Variants in CEP128 observed in about 807,000 individuals in gnomAD.
The protein encoded by CEP128 is centrosomal protein 128kDa.
A neutral mutation model predicts 156.7 loss-of-function variants in CEP128; 132 were observed. The ratio of observed to expected loss-of-function variants is 0.84; its 90% CI spans 0.73 to 0.97. The LOEUF (loss-of-function observed/expected upper bound fraction) is 0.97, where lower values mean the gene tolerates loss of function less well. Among genes scored for constraint, CEP128 ranks in the 50% least tolerant of loss-of-function variants. The pLI is 0.00. For missense variants in CEP128, 1,252 were observed against 1,281.9 expected (o/e 0.98, Z 0.36); for synonymous variants, 469 against 448.9 (o/e 1.04, Z -0.57).
rs1566663755 is a variant in CEP128, at chr14:80,840,759, T to A, written c.772A>T (p.Lys258Ter). The change falls in exon 10 of 25, where the codon AAA becomes TAA. Residue 258 changes from lysine to a stop codon, truncating the protein, a stop_gained. Transcript: ENST00000555265. LOFTEE classifies it high-confidence loss of function. Reference protein sequence around the residue: ...MSLQLQEALKKQEAKADEHEG... With the variant: ...MSLQLQEALK ...TGCTCATCTGCTTTAGCTTCTTGTT[T>A]CTTTAGTGCCTGGAATGAAAGAGGT... is the stretch of plus-strand genomic sequence containing the variant. The A allele has an allele frequency of 6.2e-7, 1 of 1,607,672 alleles. No individual in the cohort carries two copies.
chr14:80,552,309 CAA>C (rs10717714), intron 21 of CEP128, among the ~76,000 whole-genome samples: 8 of 137,422 alleles, frequency 5.8e-5, no homozygotes, highest in African/African-American at 7.9e-5. Context: ...AACTCCATCT[CAA>C]AAAAAAAAAA....
At chr14:80,591,425 A>C (rs1000819710) in intron 19 of CEP128, among the ~76,000 whole-genome samples, 9 of 152,308 alleles carry the variant, frequency 5.9e-5, no homozygotes, top group East Asian at 5.8e-4. Flanking sequence ...GCATTACATA[A>C]TGGTAAGGGA....
intron 9 of CEP128, among the ~76,000 whole-genome samples, chr14:80,855,565 T>A (rs1453978418): frequency 1.3e-5 from 2 of 151,444 alleles, no homozygotes; most frequent in African/African-American, 4.9e-5. Flanking sequence ...ACGAGATGAC[T>A]ACAAAAAAAA....
intron 18 of CEP128, among the ~76,000 whole-genome samples, chr14:80,749,038 C>T (rs1595342143): frequency 6.6e-6 from 1 of 152,154 alleles, no homozygotes; most frequent in East Asian, 1.9e-4. Context: ...AGACTCAGTA[C>T]TGTGCTGGCT....
intron 3 of CEP128, among the ~76,000 whole-genome samples, 189 bp from the exon 4 acceptor site, chr14:80,914,597 A>C (rs1461703179): frequency 6.6e-6 from 1 of 152,250 alleles, no homozygotes; most frequent in Non-Finnish European, 1.5e-5. Context: ...ACTCAAATCC[A>C]ACTGCAATTT....
intron 9 of CEP128, among the ~76,000 whole-genome samples, chr14:80,850,888 T>G (rs1291770466): frequency 1.3e-5 from 2 of 152,210 alleles, no homozygotes; most frequent in Non-Finnish European, 2.9e-5. Flanking sequence ...TACGAAAATG[T>G]TATTTTTATA....
At chr14:80,822,897 T>A in intron 13 of CEP128, 1 of 565,064 alleles carries the variant, frequency 1.8e-6, no homozygotes, top group Non-Finnish European at 3.2e-6. Flanking sequence ...TTTACTTTTT[T>A]TTAAGCTATG....
intron 15 of CEP128, among the ~76,000 whole-genome samples, chr14:80,784,132 T>C (rs373946188): frequency 2.6e-4 from 40 of 152,294 alleles, no homozygotes; most frequent in East Asian, 1.5e-3. Flanking sequence ...TCAATAGATA[T>C]TTACAATGTT....
At chr14:80,879,496 T>C (rs779888295) in intron 8 of CEP128, among the ~76,000 whole-genome samples, 4 of 151,732 alleles carry the variant, frequency 2.6e-5, no homozygotes, top group Non-Finnish European at 5.9e-5. Context: ...AAGAGATACA[T>C]GTTATTAAAA....
intron 6 of CEP128, among the ~76,000 whole-genome samples, chr14:80,904,353 A>G (rs78455587): frequency 6.6e-6 from 1 of 152,024 alleles, no homozygotes; most frequent in Admixed American, 6.6e-5. Context: ...GGGGGTGAAG[A>G]GGGAGAGAAA....
chr14:80,593,924 T>C (rs961049672), intron 19 of CEP128, among the ~76,000 whole-genome samples: 1 of 152,168 alleles, frequency 6.6e-6, no homozygotes, highest in Admixed American at 6.5e-5. Context: ...TTCAGTGCTA[T>C]CCCCATCATG....
At chr14:80,807,729 T>TC (rs1245540756) in intron 13 of CEP128, among the ~76,000 whole-genome samples, 1 of 152,140 alleles carries the variant, frequency 6.6e-6, no homozygotes, top group Non-Finnish European at 1.5e-5. Flanking sequence ...AGACGGGAAC[T>TC]TGTGCTAGGT....
At position 80,903,873 on chromosome 14, in the gene CEP128, A is replaced by T. The variant is rs1003505928; in HGVS notation, c.480+940T>A. ...GTTGGACATGACATGAAGGAAAGGGACCCCTTGTACCCTACTGGGAACGTA... is the reference window on the plus strand; with the variant it reads ...GTTGGACATGACATGAAGGAAAGGGTCCCCTTGTACCCTACTGGGAACGTA... On this transcript the variant is annotated intron_variant, in intron 6 of 24. Coordinates refer to ENST00000555265, the MANE Select transcript of CEP128 (RefSeq NM_152446.5). 2.6e-5 allele frequency among the ~76,000 whole-genome samples: 4 copies of T among 152,012 alleles called. No individual in the cohort carries two copies. In the East Asian group the frequency reaches 7.7e-4, roughly 29 times the overall value.
chr14:80,703,006 T>A (rs1169682085), intron 19 of CEP128, among the ~76,000 whole-genome samples: 1 of 152,166 alleles, frequency 6.6e-6, no homozygotes, highest in Non-Finnish European at 1.5e-5. Flanking sequence ...GTATTTAAAC[T>A]ATTTTTATGG....
At chr14:80,949,041 T>C (rs1886402213) in intron 2 of CEP128, among the ~76,000 whole-genome samples, 1 of 152,194 alleles carries the variant, frequency 6.6e-6, no homozygotes, top group Non-Finnish European at 1.5e-5. Context: ...ATACCACTTT[T>C]GTTCCCAGCA....
At chr14:80,783,291 T>C (rs1421208821) in intron 15 of CEP128, among the ~76,000 whole-genome samples, 1 of 152,202 alleles carries the variant, frequency 6.6e-6, no homozygotes, top group Non-Finnish European at 1.5e-5. Flanking sequence ...CTACCTGTCC[T>C]TGAGTCTAAA....
At chr14:80,829,985 G>T (rs565282931) in intron 13 of CEP128, among the ~76,000 whole-genome samples, 2 of 152,240 alleles carry the variant, frequency 1.3e-5, no homozygotes, top group South Asian at 4.1e-4. Context: ...CCAATGTGTG[G>T]TTATGAACAT....
At chr14:80,807,860 C>T (rs1366003841) in intron 13 of CEP128, among the ~76,000 whole-genome samples, 1 of 152,166 alleles carries the variant, frequency 6.6e-6, no homozygotes. Context: ...TCCTGGGTGC[C>T]CACGGACATC....
At chr14:80,905,853 G>T (rs2139447777) in intron 5 of CEP128, 102 bp downstream of exon 5, 1 of 1,099,174 alleles carries the variant, frequency 9.1e-7, no homozygotes, top group Non-Finnish European at 1.3e-6. Context: ...CATCCAATCT[G>T]CATGAAGTTA....
Sources: allele counts gnomAD v4.1 joint callset (sites outside exome capture counted in the v4.1 genomes callset), GRCh38; gene constraint gnomAD v4.1.1; transcripts MANE v1.5; gene names NCBI Gene and HGNC (gene_info 2026-07-23, HGNC 2026-07-21).